TMTC2: variants seen among roughly 807,000 people sequenced by gnomAD.
TMTC2 encodes protein O-mannosyl-transferase TMTC2.
In TMTC2, 43 loss-of-function variants were observed where a neutral mutation model predicts 82.4. The ratio of observed to expected loss-of-function variants is 0.52; its 90% CI spans 0.41 to 0.67. TMTC2 has a LOEUF of 0.67. Among genes scored for constraint, TMTC2 ranks in the 30% least tolerant of loss-of-function variants. The pLI is 0.00. For synonymous variants in TMTC2, 408 were observed against 381.9 expected, an observed-to-expected ratio of 1.07 and a Z score of -0.80; for missense variants, 919 against 1,012.4, an observed-to-expected ratio of 0.91 and a Z score of 1.25.
chr12:82,764,418 G>A (rs569575731), intron 1 of TMTC2, among the ~76,000 whole-genome samples: 43 of 152,246 alleles, frequency 2.8e-4, no homozygotes, highest in African/African-American at 9.9e-4. Context: ...GATTACAGGT[G>A]TGAGCCACCA....
intron 3 of TMTC2, among the ~76,000 whole-genome samples, chr12:82,911,091 A>G (rs1195002110): frequency 1.3e-5 from 2 of 152,086 alleles, no homozygotes; most frequent in East Asian, 3.9e-4. Context: ...CGTGTTAGCC[A>G]GGATGGTCTC....
chr12:83,071,351 G>T (rs1011121761), intron 11 of TMTC2, among the ~76,000 whole-genome samples: 2 of 151,834 alleles, frequency 1.3e-5, no homozygotes. Flanking sequence ...TGGAGACGGG[G>T]TTTCACTGTT....
intron 2 of TMTC2, among the ~76,000 whole-genome samples, chr12:82,894,083 T>C (rs1001927181): frequency 6.6e-5 from 10 of 152,208 alleles, no homozygotes; most frequent in Admixed American, 6.5e-5. Flanking sequence ...TATTTCCTGA[T>C]GGTGACGATG....
intron 1 of TMTC2, chr12:82,758,767 C>A (rs975433145): frequency 6.6e-6 from 1 of 152,062 alleles, no homozygotes; most frequent in Non-Finnish European, 1.5e-5. Flanking sequence ...TAATTAAAAT[C>A]CTAATGGTAT....
chr12:82,898,440 T>C (rs1489030178), intron 3 of TMTC2, among the ~76,000 whole-genome samples: 1 of 152,222 alleles, frequency 6.6e-6, no homozygotes, highest in Admixed American at 6.5e-5. Flanking sequence ...TGAGGGTTTA[T>C]TAAATTTATT....
chr12:82,946,477 T>C (rs1380577941), intron 4 of TMTC2, among the ~76,000 whole-genome samples: 2 of 152,202 alleles, frequency 1.3e-5, no homozygotes, highest in African/African-American at 4.8e-5. Flanking sequence ...AAGGATGCCC[T>C]TTTTGCTTCA....
At chr12:82,751,158 C>G (rs1257134118) in intron 1 of TMTC2, among the ~76,000 whole-genome samples, 1 of 152,176 alleles carries the variant, frequency 6.6e-6, no homozygotes, top group East Asian at 1.9e-4. Flanking sequence ...CAATGATAGA[C>G]TGGATTAAGA....
intron 3 of TMTC2, among the ~76,000 whole-genome samples, chr12:82,912,579 G>A (rs775135475): frequency 7.2e-5 from 11 of 152,116 alleles, no homozygotes; most frequent in Non-Finnish European, 1.5e-4. Flanking sequence ...TTGCAGTACT[G>A]GTGTTGAGTA....
intron 11 of TMTC2, among the ~76,000 whole-genome samples, chr12:83,076,188 T>C (rs974971561): frequency 1.3e-5 from 2 of 152,194 alleles, no homozygotes; most frequent in Non-Finnish European, 2.9e-5. Context: ...TTTTAAACAA[T>C]ATTTTTTCAA....
chr12:82,697,872 T>C (rs2136894125), intron 1 of TMTC2, among the ~76,000 whole-genome samples: 1 of 152,284 alleles, frequency 6.6e-6, no homozygotes, highest in South Asian at 2.1e-4. Flanking sequence ...ACAACCCATT[T>C]TGAGGAAATT....
intron 1 of TMTC2, among the ~76,000 whole-genome samples, chr12:82,769,121 G>T (rs1202673628): frequency 2.0e-5 from 3 of 151,014 alleles, no homozygotes; most frequent in Non-Finnish European, 4.4e-5. Context: ...TTTTCCCTCA[G>T]GCGCATCAAT....
intron 9 of TMTC2, among the ~76,000 whole-genome samples, chr12:83,032,525 G>A (rs1881482114): frequency 6.6e-6 from 1 of 151,188 alleles, no homozygotes; most frequent in Non-Finnish European, 1.5e-5. Flanking sequence ...GATTTAAACA[G>A]AAAGTTCTAC....
intron 3 of TMTC2, among the ~76,000 whole-genome samples, chr12:82,899,636 AAT>A (rs531889616): frequency 6.3e-4 from 83 of 131,306 alleles, no homozygotes; most frequent in South Asian, 1.3e-3. Flanking sequence ...ATATATGTGG[AAT>A]ATATATATAT....
chr12:82,989,465 A>G (rs913576657), intron 8 of TMTC2, among the ~76,000 whole-genome samples: 3 of 152,128 alleles, frequency 2.0e-5, no homozygotes, highest in African/African-American at 7.2e-5. Context: ...ACAACTCCAC[A>G]TAAGTATTAA....
rs374009177 is a variant in TMTC2 at position 82,894,613 on chromosome 12, A to T, written c.655-1205A>T. Among the ~76,000 whole-genome samples, 4 of 152,264 alleles carry T rather than the reference A, an allele frequency of 2.6e-5. No individual in the cohort carries two copies. In the South Asian group the frequency reaches 8.3e-4, roughly 32 times the overall value. On this transcript the variant is annotated intron_variant, in intron 2 of 11. Transcript: ENST00000321196. ...ACCATTGAACCATTAAGGTTGGGAT[A>T]TGGTGCCCATTTTAACCCTTCCTGG...
intron 2 of TMTC2, among the ~76,000 whole-genome samples, chr12:82,877,743 T>C (rs1292042244): frequency 1.3e-5 from 2 of 152,204 alleles, no homozygotes; most frequent in Non-Finnish European, 2.9e-5. Flanking sequence ...TATTTGAAAT[T>C]ATTTCTACAG....
At chr12:82,752,639 C>T (rs931678505) in intron 1 of TMTC2, among the ~76,000 whole-genome samples, 1 of 151,656 alleles carries the variant, frequency 6.6e-6, no homozygotes, top group Non-Finnish European at 1.5e-5. Context: ...ACTACCACCT[C>T]CAGCAAATTA....
intron 7 of TMTC2, among the ~76,000 whole-genome samples, chr12:82,979,283 T>C (rs76652713): frequency 6.6e-6 from 1 of 151,668 alleles, no homozygotes; most frequent in Non-Finnish European, 1.5e-5. Context: ...TTAGTGAAGG[T>C]GATTTTCTCT....
At chr12:82,956,296 AATATATAT>A (rs146632110) in intron 4 of TMTC2, among the ~76,000 whole-genome samples, 1 of 150,204 alleles carries the variant, frequency 6.7e-6, no homozygotes, top group African/African-American at 2.4e-5. Context: ...TGGAATGAAA[AATATATAT>A]ATATATATGT....
Sources: gnomAD v4.1 joint callset for allele counts (sites outside exome capture counted in the v4.1 genomes callset) on GRCh38, gnomAD v4.1.1 for gene constraint, MANE v1.5 for transcripts, NCBI Gene and HGNC (gene_info 2026-07-23, HGNC 2026-07-21) for gene names.